Variants in PHC3 observed in about 807,000 individuals in gnomAD.
The protein encoded by PHC3 is polyhomeotic-like protein 3.
PHC3 carries 13 observed loss-of-function variants against 107.4 expected under a neutral mutation model. The observed-to-expected ratio is 0.12, with a 90% CI of 0.08 to 0.19. The LOEUF is 0.19. Ranked by LOEUF, PHC3 falls within the 10% of genes least tolerant of loss-of-function variation. PHC3 has a pLI of 1.00. For missense variants in PHC3, 992 were observed against 1,210.9 expected, an observed-to-expected ratio of 0.82 and a Z score of 2.68; for synonymous variants, 456 against 427.4, an observed-to-expected ratio of 1.07 and a Z score of -0.83.
chr3:170,111,515 T>C (rs1279520179), intron 11 of PHC3, among the ~76,000 whole-genome samples: 1 of 151,986 alleles, frequency 6.6e-6, no homozygotes, highest in African/African-American at 2.4e-5. Flanking sequence ...GGAAACAAAA[T>C]GAATGAAGCT....
At chr3:170,141,013 C>T (rs908318744) in intron 6 of PHC3, among the ~76,000 whole-genome samples, 1 of 152,008 alleles carries the variant, frequency 6.6e-6, no homozygotes, top group East Asian at 1.9e-4. Flanking sequence ...GTGAGATATT[C>T]CAAATTTCTC....
chr3:170,160,891 A>T (rs576708626), intron 4 of PHC3, among the ~76,000 whole-genome samples: 12 of 152,218 alleles, frequency 7.9e-5, no homozygotes, highest in Non-Finnish European at 1.6e-4. Flanking sequence ...TGGGTGACAG[A>T]GGGAGACTCA....
Position 170,109,317 on chromosome 3 carries a change from C to T in PHC3, c.2354-2371G>A, listed in dbSNP as rs145702168. ...CTGATTTGTAACCAATGGCATATGA[C>T]TGTAAATGCTCACAAATTCCAGATG... On this transcript the variant is annotated intron_variant, in intron 11 of 14. Transcript: ENST00000495893. 4.5e-4 allele frequency among the ~76,000 whole-genome samples: 69 copies of T among 152,222 alleles called. 1 individual carries two copies. In the East Asian group the frequency reaches 0.013, roughly 28 times the overall value.
intron 4 of PHC3, among the ~76,000 whole-genome samples, chr3:170,157,536 A>G (rs1727079665): frequency 6.6e-6 from 1 of 152,252 alleles, no homozygotes; most frequent in Non-Finnish European, 1.5e-5. Context: ...AAAGGCTTCT[A>G]CACCCAATCA....
At chr3:170,104,462 G>A (rs1464999651) in intron 12 of PHC3, among the ~76,000 whole-genome samples, 4 of 152,054 alleles carry the variant, frequency 2.6e-5, no homozygotes, top group African/African-American at 7.2e-5. Flanking sequence ...TGTAGAGATG[G>A]GGGTCTCACT....
At chr3:170,123,052 A>C (rs946674256) in intron 8 of PHC3, among the ~76,000 whole-genome samples, 2 of 152,160 alleles carry the variant, frequency 1.3e-5, no homozygotes, top group African/African-American at 4.8e-5. Flanking sequence ...AAATAAAATA[A>C]CGATTTTGGG....
At chr3:170,112,136 T>C (rs754299334) in intron 11 of PHC3, among the ~76,000 whole-genome samples, 1 of 152,178 alleles carries the variant, frequency 6.6e-6, no homozygotes, top group Non-Finnish European at 1.5e-5. Context: ...ATTCAAGGTA[T>C]AAAATACCGT....
chr3:170,108,208 T>C (rs750978048), intron 11 of PHC3, among the ~76,000 whole-genome samples: 4 of 152,214 alleles, frequency 2.6e-5, no homozygotes, highest in Non-Finnish European at 5.9e-5. Flanking sequence ...CTAAAGCTTT[T>C]AGCTGTGAAC....
chr3:170,108,785 A>C (rs2108309315), intron 11 of PHC3, among the ~76,000 whole-genome samples: 1 of 152,332 alleles, frequency 6.6e-6, no homozygotes, highest in Non-Finnish European at 1.5e-5. Context: ...CAGCCCTGAA[A>C]GAGTCCATTC....
At chr3:170,149,440 G>C (rs769122538) in intron 4 of PHC3, among the ~76,000 whole-genome samples, 196 bp from the exon 5 acceptor site, 12 of 151,992 alleles carry the variant, frequency 7.9e-5, no homozygotes, top group Non-Finnish European at 1.5e-4. Context: ...GGCATGGATT[G>C]GTTAGTAATC....
At position 170,095,774 on chromosome 3, in the gene PHC3, A is replaced by C; in HGVS notation, c.*1456T>G. 1 of 152,312 alleles carries C rather than the reference A, an allele frequency of 6.6e-6. No homozygotes were observed. Among genetic ancestry groups the C allele is most frequent in the African/African-American group, 2.4e-5 (1 of 41,584 alleles). The allele number at this position is 152,312 out of a possible 1,614,324, so 9.4% of individuals were successfully genotyped here. A position where few individuals can be genotyped will look rare whatever the true frequency, so the allele number is the denominator to read the frequency against. On this transcript the variant is annotated 3_prime_UTR_variant, in exon 15 of 15. Coordinates refer to ENST00000495893, the MANE Select transcript of PHC3 (RefSeq NM_024947.4). Reference sequence around the variant, plus strand: ...CTATAAAGCTTTCAGGGCTTCCACAAACAATTTTGTTTTAGTGTCATAATT... The same window carrying C: ...CTATAAAGCTTTCAGGGCTTCCACACACAATTTTGTTTTAGTGTCATAATT...
At chr3:170,104,195 G>A (rs1716031817) in intron 12 of PHC3, among the ~76,000 whole-genome samples, 1 of 152,062 alleles carries the variant, frequency 6.6e-6, no homozygotes, top group Admixed American at 6.6e-5. Context: ...CATGTATCAT[G>A]AAATATTATT....
chr3:170,119,036 T>TAAAAAAAAAAA (rs1002478959), intron 9 of PHC3, among the ~76,000 whole-genome samples: 430 of 70,940 alleles, frequency 6.1e-3, no homozygotes, highest in Non-Finnish European at 7.2e-3. Context: ...TATAAAAAGC[T>TAAAAAAAAAAA]AAAAAAAAAA....
At chr3:170,113,928 T>G (rs1359761061) in intron 10 of PHC3, among the ~76,000 whole-genome samples, 1 of 149,324 alleles carries the variant, frequency 6.7e-6, no homozygotes, top group Non-Finnish European at 1.5e-5. Flanking sequence ...AAGAGTTGGG[T>G]TTTTTTTTTA....
At chr3:170,140,285 A>G (rs987560171) in intron 6 of PHC3, among the ~76,000 whole-genome samples, 11 of 151,392 alleles carry the variant, frequency 7.3e-5, no homozygotes, top group Admixed American at 1.3e-4. Flanking sequence ...TTTTTGAGAC[A>G]GAGTCTCACT....
At chr3:170,114,643 T>C (rs1172644650) in intron 10 of PHC3, among the ~76,000 whole-genome samples, 2 of 152,198 alleles carry the variant, frequency 1.3e-5, no homozygotes, top group African/African-American at 4.8e-5. Context: ...TTCAGTATAC[T>C]TGGTTAACTC....
chr3:170,156,407 C>T (rs919234528), intron 4 of PHC3, among the ~76,000 whole-genome samples: 3 of 149,468 alleles, frequency 2.0e-5, no homozygotes, highest in Non-Finnish European at 4.4e-5. Context: ...CAAGCGCCCA[C>T]TACCATGCAT....
At chr3:170,098,240 T>A (rs1387361649) in intron 14 of PHC3, among the ~76,000 whole-genome samples, 3 of 151,860 alleles carry the variant, frequency 2.0e-5, no homozygotes, top group Admixed American at 6.6e-5. Flanking sequence ...AAGAAACCAA[T>A]AGGAAAGGTA....
intron 7 of PHC3, 55 bp from the exon 8 acceptor site, chr3:170,129,607 A>T: frequency 1.4e-6 from 2 of 1,470,752 alleles, no homozygotes; most frequent in Non-Finnish European, 9.3e-7. Flanking sequence ...AGAAATTTTT[A>T]AATCACTCTA....
Sources: gnomAD v4.1 joint callset for allele counts (sites outside exome capture counted in the v4.1 genomes callset) on GRCh38, gnomAD v4.1.1 for gene constraint, MANE v1.5 for transcripts, NCBI Gene and HGNC (gene_info 2026-07-23, HGNC 2026-07-21) for gene names.